Variants in RNMT observed in about 807,000 individuals in gnomAD.
The protein encoded by RNMT is mRNA cap guanine-N(7) methyltransferase.
A neutral mutation model predicts 56.0 loss-of-function variants in RNMT; 27 were observed. That is an observed-to-expected ratio of 0.48 (90% CI 0.36 to 0.67). The LOEUF (loss-of-function observed/expected upper bound fraction) is 0.67. Among genes scored for constraint, RNMT ranks in the 30% least tolerant of loss-of-function variants. RNMT has a pLI of 0.00. For missense variants in RNMT, 519 were observed against 552.1 expected (o/e 0.94, Z 0.60); for synonymous variants, 184 against 176.2 (o/e 1.04, Z -0.35).
intron 9 of RNMT, among the ~76,000 whole-genome samples, chr18:13,749,019 C>G (rs1482531226): frequency 2.0e-5 from 3 of 152,142 alleles, no homozygotes; most frequent in Admixed American, 1.3e-4. Flanking sequence ...GTGGAGGTTG[C>G]AGTGAGCGAA....
chr18:13,737,548 A>G (rs2044182841), intron 5 of RNMT, among the ~76,000 whole-genome samples: 1 of 152,140 alleles, frequency 6.6e-6, no homozygotes, highest in Non-Finnish European at 1.5e-5. Context: ...GTCTCGAAAA[A>G]AAAAAAATTA....
intron 1 of RNMT, among the ~76,000 whole-genome samples, chr18:13,729,439 ATTTC>A (rs910686559): frequency 6.6e-6 from 1 of 152,224 alleles, no homozygotes; most frequent in African/African-American, 2.4e-5. Flanking sequence ...GATAAGTCAC[ATTTC>A]TTTATTTGAA....
At chr18:13,738,529 T>A (rs1402911491) in intron 5 of RNMT, among the ~76,000 whole-genome samples, 1 of 152,220 alleles carries the variant, frequency 6.6e-6, no homozygotes, top group Non-Finnish European at 1.5e-5. Flanking sequence ...GTAGTTACAA[T>A]ATGGAATCTG....
intron 1 of RNMT, among the ~76,000 whole-genome samples, chr18:13,727,016 A>T (rs1281790782): frequency 6.6e-6 from 1 of 151,856 alleles, no homozygotes; most frequent in African/African-American, 2.4e-5. Flanking sequence ...CGTGCTGGGG[A>T]GGGGCGTGGG....
chr18:13,736,102 C>T (rs1035135731), intron 4 of RNMT, among the ~76,000 whole-genome samples: 3 of 152,232 alleles, frequency 2.0e-5, no homozygotes, highest in South Asian at 2.1e-4. Flanking sequence ...AATTGTTTTT[C>T]GCTCTTTCAG....
intron 10 of RNMT, among the ~76,000 whole-genome samples, chr18:13,753,857 C>G (rs1390808915): frequency 8.8e-6 from 1 of 113,496 alleles, no homozygotes; most frequent in Non-Finnish European, 2.0e-5. Flanking sequence ...ACACAATGCC[C>G]TCTTCACACA....
rs964972759 is a variant in RNMT, at chr18:13,764,525, T to C, written c.*4546T>C. ...ATTCTCATGGTTGTATAATATTTCA[T>C]TGTGTGAATAAACCACATACTGTTT... On this transcript the variant is annotated 3_prime_UTR_variant, in exon 12 of 12. Transcript: ENST00000383314. 6.6e-6 allele frequency: 1 copy of C among 152,264 alleles called. No individual in the cohort carries two copies. The highest frequency in any genetic ancestry group is 1.5e-5 in the Non-Finnish European group (1 of 68,046). 9.4% of individuals were successfully genotyped at this position (152,264 alleles called of 1,614,324 possible).
intron 11 of RNMT, among the ~76,000 whole-genome samples, chr18:13,754,493 C>A (rs45530134): frequency 6.6e-6 from 1 of 151,976 alleles, no homozygotes; most frequent in Non-Finnish European, 1.5e-5. Context: ...GGCAACACAG[C>A]GAGACTCTCA....
At position 13,762,033 on chromosome 18, in the gene RNMT, A is replaced by G; in HGVS notation, c.*2054A>G. 6.5e-7 allele frequency: 1 copy of G among 1,536,090 alleles called. No homozygotes were observed. Among genetic ancestry groups the G allele is most frequent in the Non-Finnish European group, 8.7e-7 (1 of 1,146,872 alleles). On this transcript the variant is annotated 3_prime_UTR_variant, in exon 12 of 12. Coordinates refer to ENST00000383314, the MANE Select transcript of RNMT (RefSeq NM_003799.3). ...TTGTCGTCTAAATGTTCGGTATTCT[A>G]TTCAGGACTTACGGTAACTATTATG...
rs2044610557 is a variant in RNMT at position 13,760,877 on chromosome 18, C to T, written c.*898C>T. 1.0e-6 allele frequency: 1 copy of T among 985,308 alleles called. No homozygotes were observed. Among genetic ancestry groups the T allele is most frequent in the South Asian group, 4.7e-5 (1 of 21,292 alleles). The allele number at this position is 985,308 out of a possible 1,614,324, so 61.0% of individuals were successfully genotyped here. A position where few individuals can be genotyped will look rare whatever the true frequency, so the allele number is the denominator to read the frequency against. On this transcript the variant is annotated 3_prime_UTR_variant, in exon 12 of 12. Coordinates refer to ENST00000383314, the MANE Select transcript of RNMT (RefSeq NM_003799.3). ...GCAATACTTGTTCCTCTGTTACAAC[C>T]TCAGCACTTTGCACCGTAGGAGCCA... is the stretch of plus-strand genomic sequence containing the variant.
intron 1 of RNMT, among the ~76,000 whole-genome samples, chr18:13,729,119 T>A (rs886854113): frequency 2.6e-5 from 4 of 152,236 alleles, no homozygotes; most frequent in Non-Finnish European, 1.5e-5. Context: ...ATTAAATTTT[T>A]CAGTCCATTT....
At chr18:13,753,836 C>CACACACACAT (rs1001230633) in intron 10 of RNMT, among the ~76,000 whole-genome samples, 6 of 151,436 alleles carry the variant, frequency 4.0e-5, no homozygotes, top group African/African-American at 1.5e-4. Flanking sequence ...CACACACACA[C>CACACACACAT]ACACACACAC....
chr18:13,761,962 A>G lies in RNMT; in HGVS notation c.*1983A>G, dbSNP rs530432522. 22 of 1,518,780 alleles carry G rather than the reference A, an allele frequency of 1.4e-5. No individual in the cohort carries two copies. The East Asian group carries it at 5.3e-4, about 37-fold the overall frequency. The allele number at this position is 1,518,780 out of a possible 1,614,324, so 94.1% of individuals were successfully genotyped here. A position where few individuals can be genotyped will look rare whatever the true frequency, so the allele number is the denominator to read the frequency against. ...AGGCTTCCCCTGCCTATCCTCTCCG[A>G]TCACCAAGGTGGAAGGGAGCTAGTA... On this transcript the variant is annotated 3_prime_UTR_variant, in exon 12 of 12. Coordinates refer to ENST00000383314, the MANE Select transcript of RNMT (RefSeq NM_003799.3).
chr18:13,741,786 AATCTT>A (rs1355123650), intron 7 of RNMT, 95 bp downstream of exon 7: 1 of 790,868 alleles, frequency 1.3e-6, no homozygotes, highest in African/African-American at 1.8e-5. Flanking sequence ...ACGCTATTTT[AATCTT>A]ATAAGTGTTG....
rs1443995858 is a variant in RNMT, at chr18:13,731,872, A to G, written c.355A>G (p.Thr119Ala). The G allele has an allele frequency of 1.9e-6, 3 of 1,610,558 alleles. No homozygotes were observed. The highest frequency in any genetic ancestry group is 2.2e-5 in the South Asian group (2 of 90,020). Residue 119 changes from threonine (T) to alanine (A), a missense_variant, in exon 3 of 12, where the codon ACT becomes GCT. Thr to Ala is a moderately conservative substitution (Grantham distance 58). Transcript: ENST00000383314. ...GGATGTTCCAAAAGATAAATCTTCT[A>G]CTGGAGATGGCACTCAAAATAAGAG... is the stretch of plus-strand genomic sequence containing the variant. ...TEDVPKDKSS[T>A]GDGTQNKRKI...
rs2044267137 is a variant in RNMT, at chr18:13,742,485, TAGA to T, written c.976_978del (p.Arg327del). ...TATTTTGGTTGGGGGATAACCTTGA[TAGA>T]AGACGCCTTGAAGCTTCAGAAACAG... On this transcript the variant is annotated splice_acceptor_variant and coding_sequence_variant, in exon 8 of 12. Coordinates refer to ENST00000383314, the MANE Select transcript of RNMT (RefSeq NM_003799.3). LOFTEE classifies it high-confidence loss of function. 6.2e-7 allele frequency: 1 copy of T among 1,612,292 alleles called. No homozygotes were observed. Among genetic ancestry groups the T allele is most frequent in the East Asian group, 2.2e-5 (1 of 44,786 alleles).
At chr18:13,754,614 C>G (rs1308567617) in intron 11 of RNMT, among the ~76,000 whole-genome samples, 1 of 152,220 alleles carries the variant, frequency 6.6e-6, no homozygotes, top group African/African-American at 2.4e-5. Flanking sequence ...CTTTCTTGCA[C>G]AGCTGTGTAG....
chr18:13,745,041 T>G (rs1187269701), intron 8 of RNMT, among the ~76,000 whole-genome samples: 4 of 152,174 alleles, frequency 2.6e-5, no homozygotes, highest in African/African-American at 9.7e-5. Context: ...AGAATGCTCC[T>G]GACAAGAGGA....
intron 4 of RNMT, 31 bp from the exon 5 acceptor site, chr18:13,736,979 T>G: frequency 6.3e-7 from 1 of 1,591,910 alleles, no homozygotes; most frequent in Admixed American, 1.8e-5. Context: ...GAAGAAGAGG[T>G]AGTTTATTGT....
Sources: allele counts gnomAD v4.1 joint callset (sites outside exome capture counted in the v4.1 genomes callset), GRCh38; gene constraint gnomAD v4.1.1; transcripts MANE v1.5; gene names NCBI Gene and HGNC (gene_info 2026-07-23, HGNC 2026-07-21).